Variants in ANO1 observed in about 807,000 individuals in gnomAD.
ANO1 encodes the protein anoctamin-1.
ANO1 carries 59 observed loss-of-function variants against 124.0 expected under a neutral mutation model. The ratio of observed to expected loss-of-function variants is 0.48; its 90% CI spans 0.39 to 0.59. The LOEUF (loss-of-function observed/expected upper bound fraction) is 0.59. ANO1 is among the 20% of genes least tolerant of loss of function. The pLI is 0.00. For missense variants in ANO1, 1,059 were observed against 1,328.0 expected (o/e 0.80, Z 3.15); for synonymous variants, 529 against 532.0 (o/e 0.99, Z 0.08).
chr11:69,999,790 C>G (rs1463792766), intron 1 of ANO1, among the ~76,000 whole-genome samples: 2 of 152,170 alleles, frequency 1.3e-5, no homozygotes, highest in African/African-American at 4.8e-5. Flanking sequence ...CAGGGACCCA[C>G]GTGCCTTACT....
intron 11 of ANO1, among the ~76,000 whole-genome samples, chr11:70,139,027 G>A (rs955657209): frequency 4.0e-5 from 6 of 148,862 alleles, no homozygotes; most frequent in African/African-American, 1.6e-4. Context: ...GTGAGAACAT[G>A]TGGCATTTGG....
intron 2 of ANO1, among the ~76,000 whole-genome samples, chr11:70,089,267 G>A (rs1456642529): frequency 1.3e-5 from 2 of 152,240 alleles, no homozygotes; most frequent in South Asian, 2.1e-4. Context: ...CCCAGTGGAT[G>A]TTGAAAATGA....
At chr11:70,010,183 A>ATATATATATATATC (rs1856575283) in intron 1 of ANO1, among the ~76,000 whole-genome samples, 1 of 44,172 alleles carries the variant, frequency 2.3e-5, no homozygotes, top group East Asian at 2.6e-3. Flanking sequence ...GTGTGTGTAT[A>ATATATATATATATC]TATATATATA....
At chr11:70,116,615 G>T (rs896419230) in intron 8 of ANO1, 116 bp downstream of exon 8, 3 of 976,864 alleles carry the variant, frequency 3.1e-6, no homozygotes, top group Non-Finnish European at 3.1e-6. Flanking sequence ...TCCCCAGGGC[G>T]CTCGCTGCAG....
chr11:70,135,066 T>C (rs1391638293), intron 11 of ANO1, among the ~76,000 whole-genome samples: 2 of 152,070 alleles, frequency 1.3e-5, no homozygotes, highest in African/African-American at 4.8e-5. Flanking sequence ...GTGCAGTGAT[T>C]AAGAGAGGGG....
intron 2 of ANO1, among the ~76,000 whole-genome samples, chr11:70,095,470 T>A (rs75579906): frequency 0.071 from 10,387 of 147,290 alleles, 609 homozygotes; most frequent in Middle Eastern, 0.15. Context: ...ATTCTGGACC[T>A]TTTTAAAAAT....
chr11:70,030,869 G>A (rs148001543), intron 1 of ANO1, among the ~76,000 whole-genome samples: 330 of 152,334 alleles, frequency 2.2e-3, no homozygotes, highest in African/African-American at 7.4e-3. Flanking sequence ...AGAAGGAAGA[G>A]AAACACCCCC....
the ANO1 span, among the ~76,000 whole-genome samples, chr11:69,979,870 C>T: frequency 2.0e-5 from 3 of 152,192 alleles, no homozygotes; most frequent in Non-Finnish European, 4.4e-5. Flanking sequence ...AAAGTCTCAG[C>T]TTGGTGCCAG....
chr11:70,015,376 C>T (rs1025159131), intron 1 of ANO1, among the ~76,000 whole-genome samples: 1 of 152,112 alleles, frequency 6.6e-6, no homozygotes, highest in Non-Finnish European at 1.5e-5. Context: ...GCTCCCTGCC[C>T]TCAGGGGGAT....
At chr11:70,157,997 A>C (rs906695732) in intron 16 of ANO1, among the ~76,000 whole-genome samples, 6 of 151,986 alleles carry the variant, frequency 3.9e-5, no homozygotes, top group Non-Finnish European at 5.9e-5. Flanking sequence ...AAAAAAAAAA[A>C]AAAAACCTGT....
intron 1 of ANO1, among the ~76,000 whole-genome samples, chr11:70,079,553 C>A (rs2044141639): frequency 6.6e-6 from 1 of 152,104 alleles, no homozygotes; most frequent in African/African-American, 2.4e-5. Flanking sequence ...ACAAAGTTTG[C>A]CGGAAGAGGA....
chr11:70,008,901 T>C (rs1297846721), intron 1 of ANO1, among the ~76,000 whole-genome samples: 3 of 152,064 alleles, frequency 2.0e-5, no homozygotes, highest in Non-Finnish European at 4.4e-5. Flanking sequence ...CAGGTACCTG[T>C]CCAGGAGACC....
chr11:70,094,440 A>G (rs1007006002), intron 2 of ANO1, among the ~76,000 whole-genome samples: 4 of 152,154 alleles, frequency 2.6e-5, no homozygotes, highest in Non-Finnish European at 5.9e-5. Flanking sequence ...AGATTTGAGA[A>G]TCGGGGGTGG....
At chr11:70,118,488 G>T (rs906230130) in intron 8 of ANO1, among the ~76,000 whole-genome samples, 14 of 152,188 alleles carry the variant, frequency 9.2e-5, no homozygotes, top group African/African-American at 3.4e-4. Flanking sequence ...ATGAATGACA[G>T]TTGGGTGGAT....
chr11:69,972,042 G>A, the ANO1 span, among the ~76,000 whole-genome samples: 314 of 149,560 alleles, frequency 2.1e-3, 2 homozygotes, highest in Middle Eastern at 6.8e-3. Context: ...CCAATATGGC[G>A]AAACCCCGGC....
chr11:70,152,290 G>A lies in ANO1; in HGVS notation c.1342-160G>A, dbSNP rs960226272. Among the ~76,000 whole-genome samples, 6 of 141,700 alleles carry A rather than the reference G, an allele frequency of 4.2e-5. No individual in the cohort carries two copies. The East Asian group carries it at 1.0e-3, about 24-fold the overall frequency. The allele number at this position is 141,700 out of a possible 152,430, so 93.0% of individuals were successfully genotyped here. ...GCAGAGCTTGCAGTGAGCTGAGACC[G>A]CGCCATTGCACTCCAGCCTGCTCAA... On this transcript the variant is annotated intron_variant, in intron 12 of 25. Coordinates refer to ENST00000355303, the MANE Select transcript of ANO1 (RefSeq NM_018043.7).
chr11:70,047,092 A>G (rs111921238), intron 1 of ANO1, among the ~76,000 whole-genome samples: 8 of 146,222 alleles, frequency 5.5e-5, no homozygotes, highest in East Asian at 2.0e-4. Context: ...AAAAAAAAAA[A>G]AAAAAGAAAA....
At chr11:69,984,260 C>T (rs1855984580), upstream of ANO1, among the ~76,000 whole-genome samples, 1 of 152,206 alleles carries the variant, frequency 6.6e-6, no homozygotes, top group African/African-American at 2.4e-5. Flanking sequence ...CATCCATCCT[C>T]TTTTGCCCTC....
At chr11:70,102,947 G>T in intron 2 of ANO1, 119 bp from the exon 3 acceptor site, 1 of 681,400 alleles carries the variant, frequency 1.5e-6, no homozygotes, top group Non-Finnish European at 2.5e-6. Context: ...TGAGGCCGCG[G>T]TAAAAGCAGC....
Sources: allele counts gnomAD v4.1 joint callset (sites outside exome capture counted in the v4.1 genomes callset), GRCh38; gene constraint gnomAD v4.1.1; transcripts MANE v1.5; gene names NCBI Gene and HGNC (gene_info 2026-07-23, HGNC 2026-07-21).